The following EPB41L3 variants were observed in gnomAD, a reference collection of about 807,000 sequenced individuals.
EPB41L3 encodes band 4.1-like protein 3.
Under a neutral mutation model 127.1 loss-of-function variants are expected in EPB41L3, and 57 were observed. The observed-to-expected ratio is 0.45, with a 90% CI of 0.36 to 0.56. The LOEUF (loss-of-function observed/expected upper bound fraction) is 0.56. Ranked by LOEUF, EPB41L3 falls within the 20% of genes least tolerant of loss-of-function variation. The pLI, the probability that EPB41L3 is intolerant of heterozygous loss-of-function variation, is 0.00. For synonymous variants in EPB41L3, 572 were observed against 549.5 expected (o/e 1.04, Z -0.57); for missense variants, 1,273 against 1,372.2 (o/e 0.93, Z 1.14).
chr18:5,489,694 G>A (rs1239599532), intron 1 of EPB41L3, among the ~76,000 whole-genome samples: 1 of 152,146 alleles, frequency 6.6e-6, no homozygotes, highest in Non-Finnish European at 1.5e-5. Context: ...TTTCCCATGT[G>A]ATTTCTCTTA....
At position 5,471,839 on chromosome 18, in the gene EPB41L3, G is replaced by A. The variant is rs77011912; in HGVS notation, c.381+6402C>T. On this transcript the variant is annotated intron_variant, in intron 3 of 22. Coordinates refer to ENST00000341928, the MANE Select transcript of EPB41L3 (RefSeq NM_012307.5). ...ACGATGTCAGAATACTAACATTTGG[G>A]AAATGAATCCTGTTAGGCCTTCACA... Among the ~76,000 whole-genome samples, 1,456 of 152,240 alleles carry A rather than the reference G, an allele frequency of 9.6e-3. 18 individuals are homozygous for A. The highest frequency in any genetic ancestry group is 0.045 in the South Asian group (217 of 4,820).
At chr18:5,526,501 T>C (rs1253084199) in intron 1 of EPB41L3, among the ~76,000 whole-genome samples, 2 of 152,176 alleles carry the variant, frequency 1.3e-5, no homozygotes, top group East Asian at 3.8e-4. Flanking sequence ...TGTAACTGAA[T>C]ATAAATTTAA....
intron 3 of EPB41L3, among the ~76,000 whole-genome samples, chr18:5,567,573 AAG>A (rs967126494): frequency 3.2e-4 from 48 of 152,212 alleles, no homozygotes; most frequent in African/African-American, 1.0e-3. Flanking sequence ...GAAAGTGAGA[AAG>A]AGAAAGAGAA....
intron 1 of EPB41L3, chr18:5,539,621 A>G (rs2093667327): frequency 6.6e-6 from 1 of 152,226 alleles, no homozygotes; most frequent in Non-Finnish European, 1.5e-5. Flanking sequence ...ATACACTCAC[A>G]TGAAAAATGT....
chr18:5,416,202 T>C lies in EPB41L3; in HGVS notation c.1683A>G (p.Pro561=), dbSNP rs756935985. The change falls in exon 13 of 23, where the codon CCA becomes CCG. Residue 561 remains proline, a synonymous_variant. Transcript: ENST00000341928. ...CTTGATCCCCTAGGTAAGGCCTCCC[T>C]GGGCCATCAGAGTCCAAGGCGGGCT... is the stretch of plus-strand genomic sequence containing the variant. The part of the protein sequence containing the change: ...PGEPALDSDG[P]GRPYLGDQDV... 2 of 1,614,004 alleles carry C rather than the reference T, an allele frequency of 1.2e-6. No individual in the cohort carries two copies. Among genetic ancestry groups the C allele is most frequent in the Non-Finnish European group, 8.5e-7 (1 of 1,180,024 alleles).
At chr18:5,575,560 G>A (rs545681113) in intron 3 of EPB41L3, among the ~76,000 whole-genome samples, 29 of 152,224 alleles carry the variant, frequency 1.9e-4, no homozygotes, top group Admixed American at 1.1e-3. Context: ...TAGTTGGCCC[G>A]GTGCTGTGGC....
rs1007433614 is a variant in EPB41L3 at position 5,393,543 on chromosome 18, G to T, written c.*7-65C>A. The T allele has an allele frequency of 6.4e-5, 44 of 692,600 alleles. No homozygotes were observed. In the Middle Eastern group the frequency reaches 6.9e-4, roughly 11 times the overall value. The allele number at this position is 692,600 out of a possible 1,614,324, so 42.9% of individuals were successfully genotyped here. Reference sequence around the variant, plus strand: ...AACTGAAAGATTTTCTCAGATCAAGGACACAAAAAAAGTATCCTGGAAGTT... The same window carrying T: ...AACTGAAAGATTTTCTCAGATCAAGTACACAAAAAAAGTATCCTGGAAGTT... On this transcript the variant is annotated intron_variant, in intron 22 of 22. Transcript: ENST00000341928.
In EPB41L3 at chr18:5,397,138, C is replaced by T. The variant is rs772077627; in HGVS notation, c.2761G>A (p.Ala921Thr). 25 of 1,614,038 alleles carry T rather than the reference C, an allele frequency of 1.5e-5. No individual in the cohort carries two copies. In the East Asian group the frequency reaches 2.0e-4, roughly 13 times the overall value. ...KAVLEQEETA[A>T]ASRERQEEQS... ...TCCTCTTGTCGCTCACGGGAAGCAG[C>T]GGCTGTCTCTTCCTGTTCCAGGACA... The change falls in exon 18 of 23, where the codon GCT becomes ACT. Residue 921 changes from alanine (A) to threonine (T), a missense_variant. Around this residue, in one of 3 missense-constraint regions of EPB41L3, gnomAD observed 765 missense variants for 782.9 expected, o/e 0.98. Coordinates refer to ENST00000341928, the MANE Select transcript of EPB41L3 (RefSeq NM_012307.5). This position sits in a 1 kb window ranked among gnomAD's most constrained non-coding sequence, Gnocchi z 4.1.
chr18:5,474,993 A>C (rs1418904314), intron 3 of EPB41L3, among the ~76,000 whole-genome samples: 1 of 152,190 alleles, frequency 6.6e-6, no homozygotes, highest in Non-Finnish European at 1.5e-5. Flanking sequence ...CTGCTACCTT[A>C]GTTTTTCTTT....
chr18:5,606,888 C>CTCTCTCTCTCTCTCTCTCTCTCTCTCTG (rs1466132948), intron 3 of EPB41L3, among the ~76,000 whole-genome samples: 1 of 52,682 alleles, frequency 1.9e-5, no homozygotes, highest in Non-Finnish European at 3.7e-5. Context: ...GTCATTCTCT[C>CTCTCTCTCTCTCTCTCTCTCTCTCTCTG]TCTCTCTCTC....
chr18:5,557,529 C>T (rs2094056975), intron 3 of EPB41L3, among the ~76,000 whole-genome samples: 1 of 152,096 alleles, frequency 6.6e-6, no homozygotes, highest in Non-Finnish European at 1.5e-5. Flanking sequence ...GAATTACAGG[C>T]GTGTGCCACT....
chr18:5,523,002 T>TA (rs1227437349), intron 1 of EPB41L3, among the ~76,000 whole-genome samples: 1 of 152,182 alleles, frequency 6.6e-6, no homozygotes, highest in Non-Finnish European at 1.5e-5. Flanking sequence ...AGAGAGTACA[T>TA]AAAAAATATT....
chr18:5,524,287 G>A lies in EPB41L3; in HGVS notation c.-12+19626C>T, dbSNP rs537989231. 5.9e-5 allele frequency among the ~76,000 whole-genome samples: 9 copies of A among 151,884 alleles called. No homozygotes were observed. The South Asian group carries it at 6.3e-4, about 11-fold the overall frequency. On this transcript the variant is annotated intron_variant, in intron 1 of 22. Coordinates refer to ENST00000341928, the MANE Select transcript of EPB41L3 (RefSeq NM_012307.5). ...CGGCTTCCTGCAACCTCCGCCTCCCGGGTTTAACCAAGTCTCCCGCCGCAG... is the reference window on the plus strand; with the variant it reads ...CGGCTTCCTGCAACCTCCGCCTCCCAGGTTTAACCAAGTCTCCCGCCGCAG...
intron 6 of EPB41L3, among the ~76,000 whole-genome samples, chr18:5,435,931 A>G (rs1273888876): frequency 2.0e-5 from 3 of 152,262 alleles, no homozygotes; most frequent in Non-Finnish European, 4.4e-5. Flanking sequence ...TATCTAAGAT[A>G]TAAAGAATTC....
At chr18:5,522,693 G>A (rs747612591) in intron 1 of EPB41L3, among the ~76,000 whole-genome samples, 2 of 152,062 alleles carry the variant, frequency 1.3e-5, no homozygotes, top group Non-Finnish European at 2.9e-5. Flanking sequence ...TACATTTAAG[G>A]AGTTGAAAAA....
chr18:5,414,291 A>C (rs955152736), intron 13 of EPB41L3, among the ~76,000 whole-genome samples: 2 of 152,218 alleles, frequency 1.3e-5, no homozygotes, highest in Non-Finnish European at 2.9e-5. Context: ...TTTTCCATGT[A>C]TAAAAAGTTA....
intron 1 of EPB41L3, among the ~76,000 whole-genome samples, chr18:5,525,720 C>T (rs1489390631): frequency 6.6e-6 from 1 of 152,120 alleles, no homozygotes; most frequent in Non-Finnish European, 1.5e-5. Context: ...TAACAAATAT[C>T]TTCTCAGAAC....
intron 3 of EPB41L3, among the ~76,000 whole-genome samples, chr18:5,597,602 C>A (rs574905807): frequency 2.3e-4 from 35 of 152,074 alleles, no homozygotes; most frequent in African/African-American, 8.0e-4. Flanking sequence ...ATAAAACCCA[C>A]CTTTGTTCTA....
chr18:5,422,133 G>A (rs533974695), intron 11 of EPB41L3, among the ~76,000 whole-genome samples: 99 of 152,146 alleles, frequency 6.5e-4, no homozygotes, highest in African/African-American at 2.4e-3. Context: ...CAGACCTGGA[G>A]AGCTGAAATC....
Sources: allele counts gnomAD v4.1 joint callset (sites outside exome capture counted in the v4.1 genomes callset), GRCh38; gene constraint gnomAD v4.1.1; regional missense constraint gnomAD v4.1.1; non-coding constraint Gnocchi (gnomAD v3.1); transcripts MANE v1.5; gene names NCBI Gene and HGNC (gene_info 2026-07-23, HGNC 2026-07-21).